Variants in RET observed in about 807,000 individuals in gnomAD.
The protein encoded by RET is ret proto-oncogene.
RET carries 19 observed loss-of-function variants against 118.3 expected under a neutral mutation model. The observed-to-expected ratio is 0.16, with a 90% CI of 0.11 to 0.24. RET has a LOEUF of 0.24. Among genes scored for constraint, RET ranks in the 10% least tolerant of loss-of-function variants. The pLI, the probability that RET is intolerant of heterozygous loss-of-function variation, is 1.00. For synonymous variants in RET, 597 were observed against 644.1 expected (o/e 0.93, Z 1.11); for missense variants, 1,219 against 1,502.1 (o/e 0.81, Z 3.12).
rs1160886115 is a variant in RET at position 43,119,399 on chromosome 10, A to G, written c.2393-132A>G. 12 of 690,448 alleles carry G rather than the reference A, an allele frequency of 1.7e-5. No homozygotes were observed. The East Asian group carries it at 2.4e-4, about 14-fold the overall frequency. The allele number at this position is 690,448 out of a possible 1,614,324, so 42.8% of individuals were successfully genotyped here. On this transcript the variant is annotated intron_variant, in intron 13 of 19. Coordinates refer to ENST00000355710, the MANE Select transcript of RET (RefSeq NM_020975.6). ...CACAGAGCTGCAGCAGTGCTGCCTG[A>G]GGCAGGGCTGTGTCCACCCCCTTAC...
chr10:43,082,903 G>T (rs1837215790), intron 1 of RET, among the ~76,000 whole-genome samples: 1 of 152,236 alleles, frequency 6.6e-6, no homozygotes, highest in Non-Finnish European at 1.5e-5. Context: ...GAGGGAGAGG[G>T]CTCATTGGGT....
At position 43,114,449 on chromosome 10, in the gene RET, G is replaced by A. The variant is rs2132842180; in HGVS notation, c.1880-31G>A. On this transcript the variant is annotated intron_variant, in intron 10 of 19. Transcript: ENST00000355710. The surrounding 1 kb of genome is among the most constrained non-coding windows in gnomAD (Gnocchi z 4.6). Reference sequence around the variant, plus strand: ...ACCCAGTGGTGCCGAGCCTCTGGCGGTGCCAAGCCTCACACCACCCCCACC... The same window carrying A: ...ACCCAGTGGTGCCGAGCCTCTGGCGATGCCAAGCCTCACACCACCCCCACC... 6.2e-7 allele frequency: 1 copy of A among 1,603,684 alleles called. No homozygotes were observed. Among genetic ancestry groups the A allele is most frequent in the South Asian group, 1.1e-5 (1 of 91,062 alleles).
intron 11 of RET, among the ~76,000 whole-genome samples, chr10:43,116,170 G>A (rs1055856386): frequency 1.3e-5 from 2 of 152,236 alleles, no homozygotes; most frequent in Non-Finnish European, 2.9e-5. Flanking sequence ...GAGGAGCAGT[G>A]CTTCCACACT....
chr10:43,107,112 C>T (rs138500220), intron 5 of RET, among the ~76,000 whole-genome samples: 125 of 152,334 alleles, frequency 8.2e-4, no homozygotes, highest in Non-Finnish European at 1.1e-3. Context: ...TGCCTCCCTC[C>T]GCCACCTCCT....
rs1641611274 is a variant in RET at position 43,128,782 on chromosome 10, TCAATGCCCCTCCAGGGCTGGA to T, written c.*514_*534del. 3.7e-6 allele frequency: 1 copy of T among 273,110 alleles called. No individual in the cohort carries two copies. The highest frequency in any genetic ancestry group is 7.0e-6 in the Non-Finnish European group (1 of 142,112). The allele number at this position is 273,110 out of a possible 1,614,324, so 16.9% of individuals were successfully genotyped here. ...CTGCGGGGGGGGCCTGGGGGTAGTG[TCAATGCCCCTCCAGGGCTGGA>T]GGGGAAGAGGGGCCCCGAGGATGGG... is the stretch of plus-strand genomic sequence containing the variant. On this transcript the variant is annotated 3_prime_UTR_variant, in exon 20 of 20. Coordinates refer to ENST00000355710, the MANE Select transcript of RET (RefSeq NM_020975.6).
rs546311946 is a variant in RET at position 43,129,070 on chromosome 10, G to A, written c.*801G>A. On this transcript the variant is annotated 3_prime_UTR_variant, in exon 20 of 20. Coordinates refer to ENST00000355710, the MANE Select transcript of RET (RefSeq NM_020975.6). Reference sequence around the variant, plus strand: ...TCGGTACTGAGCAGCCACTACCCCTGATGAGAACAGTATGAAGAAAGGGGG... The same window carrying A: ...TCGGTACTGAGCAGCCACTACCCCTAATGAGAACAGTATGAAGAAAGGGGG... The A allele has an allele frequency of 8.6e-6, 2 of 233,790 alleles. No individual in the cohort carries two copies. Among genetic ancestry groups the A allele is most frequent in the East Asian group, 1.2e-4 (2 of 16,564 alleles). The allele number at this position is 233,790 out of a possible 1,614,324, so 14.5% of individuals were successfully genotyped here.
chr10:43,112,001 G>A (rs570396674), intron 7 of RET, 98 bp from the exon 8 acceptor site: 95 of 1,511,406 alleles, frequency 6.3e-5, no homozygotes, highest in South Asian at 5.1e-4. Flanking sequence ...GGCTCCATCC[G>A]TGGGCAGCTC....
rs921056011 is a variant in RET, at chr10:43,128,377, G to A, written c.*108G>A. On this transcript the variant is annotated 3_prime_UTR_variant, in exon 20 of 20. Transcript: ENST00000355710. ...CGTCACATTGGCCGAGCCGTGTTCAGTTCCCAGGTGGCAGACTCGTTTTTG... is the reference window on the plus strand; with the variant it reads ...CGTCACATTGGCCGAGCCGTGTTCAATTCCCAGGTGGCAGACTCGTTTTTG... 4 of 1,331,620 alleles carry A rather than the reference G, an allele frequency of 3.0e-6. No homozygotes were observed. The highest frequency in any genetic ancestry group is 3.2e-6 in the Non-Finnish European group (3 of 931,830). The allele number at this position is 1,331,620 out of a possible 1,614,324, so 82.5% of individuals were successfully genotyped here.
At chr10:43,118,504 T>G (rs775330808) in intron 13 of RET, 24 bp downstream of exon 13, 2 of 1,581,048 alleles carry the variant, frequency 1.3e-6, no homozygotes, top group Non-Finnish European at 1.7e-6. Context: ...CAGGGTGAGG[T>G]GGGCAGCCAC....
chr10:43,096,711 G>A (rs556800618), intron 1 of RET, among the ~76,000 whole-genome samples: 6 of 152,304 alleles, frequency 3.9e-5, no homozygotes, highest in African/African-American at 1.2e-4. Flanking sequence ...GCTCTCCCCT[G>A]TGGCTGACCC....
chr10:43,128,173 TAACAC>T lies in RET; in HGVS notation c.3250_3254del (p.Asn1084TrpfsTer8). 6.2e-7 allele frequency: 1 copy of T among 1,614,228 alleles called. No individual in the cohort carries two copies. Among genetic ancestry groups the T allele is most frequent in the Non-Finnish European group, 8.5e-7 (1 of 1,180,034 alleles). On this transcript the variant is annotated frameshift_variant, in exon 20 of 20. Transcript: ENST00000355710. LOFTEE classifies it high-confidence loss of function. ...TACCACTCACGAGAGCTGATGGCACTAACACTGGGTTTCCAAGATATCCAAATGAT... is the reference window on the plus strand; with the variant it reads ...TACCACTCACGAGAGCTGATGGCACTTGGGTTTCCAAGATATCCAAATGAT...
Position 43,129,959 on chromosome 10 carries a change from A to G in RET, c.*1690A>G, listed in dbSNP as rs919544402. 1 of 399,046 alleles carries G rather than the reference A, an allele frequency of 2.5e-6. No individual in the cohort carries two copies. The highest frequency in any genetic ancestry group is 4.4e-5 in the Admixed American group (1 of 22,744). The allele number at this position is 399,046 out of a possible 1,614,324, so 24.7% of individuals were successfully genotyped here. A position where few individuals can be genotyped will look rare whatever the true frequency, so the allele number is the denominator to read the frequency against. ...TAGTCTTACTAAATGCAGAAATAAG[A>G]ATAAACTTTCTCAAATTATTAAAAA... On this transcript the variant is annotated 3_prime_UTR_variant, in exon 20 of 20. Coordinates refer to ENST00000355710, the MANE Select transcript of RET (RefSeq NM_020975.6).
chr10:43,102,421 G>A lies in RET; in HGVS notation c.417G>A (p.Trp139Ter). The change falls in exon 3 of 20, where the codon TGG (tryptophan) becomes TGA (stop). Residue 139 changes from tryptophan (W) to a stop codon, truncating the protein, a stop_gained. Coordinates refer to ENST00000355710, the MANE Select transcript of RET (RefSeq NM_020975.6). LOFTEE classifies it high-confidence loss of function. ...CCCTTCGTGAGGGCGAGTGCCAGTG[G>A]CCAGGCTGTGCCCGCGTATACTTCT... ...PTSLREGECQ[W>*]PGCARVYFSF... The A allele has an allele frequency of 6.2e-7, 1 of 1,614,236 alleles. No individual in the cohort carries two copies. The highest frequency in any genetic ancestry group is 8.5e-7 in the Non-Finnish European group (1 of 1,180,042).
intron 1 of RET, 46 bp downstream of exon 1, chr10:43,077,377 T>A: frequency 6.7e-7 from 1 of 1,492,356 alleles, no homozygotes; most frequent in East Asian, 2.8e-5. Flanking sequence ...AGGGCGAAGT[T>A]GGCGCCGAGC....
intron 17 of RET, 21 bp downstream of exon 17, chr10:43,123,829 GC>G: frequency 6.2e-7 from 1 of 1,613,858 alleles, no homozygotes; most frequent in Middle Eastern, 1.6e-4. Flanking sequence ...ACTGGCTTTG[GC>G]CCAGCCTCAC....
chr10:43,130,067 G>C lies in RET; in HGVS notation c.*1798G>C, dbSNP rs1838414626. On this transcript the variant is annotated 3_prime_UTR_variant, in exon 20 of 20. Coordinates refer to ENST00000355710, the MANE Select transcript of RET (RefSeq NM_020975.6). ...TCCAGGTCTAAACAGCTGACCCAGT[G>C]ATGGGGAATTTATCCTTGACCAATT... 5.0e-6 allele frequency: 2 copies of C among 398,638 alleles called. No individual in the cohort carries two copies. The highest frequency in any genetic ancestry group is 8.8e-5 in the Admixed American group (2 of 22,744). 24.7% of individuals were successfully genotyped at this position (398,638 alleles called of 1,614,324 possible).
intron 1 of RET, among the ~76,000 whole-genome samples, chr10:43,082,329 A>C (rs1317591170): frequency 1.3e-5 from 2 of 152,150 alleles, no homozygotes; most frequent in African/African-American, 4.8e-5. Context: ...GGCCAGCTCC[A>C]AGCAAACACC....
At chr10:43,113,048 C>T in intron 9 of RET, 85 bp downstream of exon 9, 1 of 1,100,874 alleles carries the variant, frequency 9.1e-7, no homozygotes, top group Non-Finnish European at 1.4e-6. Context: ...GCCAGAGTTG[C>T]CAGGGCTGTC....
Position 43,109,013 on chromosome 10 carries a change from T to C in RET, c.1064-18T>C, listed in dbSNP as rs546346375. On this transcript the variant is annotated intron_variant, in intron 5 of 19. Coordinates refer to ENST00000355710, the MANE Select transcript of RET (RefSeq NM_020975.6). Reference sequence around the variant, plus strand: ...AGCCAGAGCAGCTTGGTGGTCATTGTTGTGCCCCTACCTGCAGGGCTGGTT... The same window carrying C: ...AGCCAGAGCAGCTTGGTGGTCATTGCTGTGCCCCTACCTGCAGGGCTGGTT... 2.8e-4 allele frequency: 444 copies of C among 1,610,196 alleles called. 4 individuals carry two copies. The South Asian group carries it at 4.5e-3, about 16-fold the overall frequency.
Sources: gnomAD v4.1 joint callset for allele counts (sites outside exome capture counted in the v4.1 genomes callset) on GRCh38, gnomAD v4.1.1 for gene constraint, Gnocchi (gnomAD v3.1) non-coding constraint, MANE v1.5 for transcripts, NCBI Gene and HGNC (gene_info 2026-07-23, HGNC 2026-07-21) for gene names.